Variants in ZNF544 observed in about 807,000 individuals in gnomAD.
The protein encoded by ZNF544 is zinc finger protein AF020591.
In ZNF544, 10 loss-of-function variants were observed where a neutral mutation model predicts 13.5. The observed-to-expected ratio is 0.74, with a 90% CI of 0.46 to 1.25. The LOEUF (loss-of-function observed/expected upper bound fraction) is 1.25. ZNF544 is among the 50% of genes most tolerant of loss of function. The pLI is 0.00. For synonymous variants in ZNF544, 323 were observed against 300.5 expected, an observed-to-expected ratio of 1.07 and a Z score of -0.77; for missense variants, 896 against 845.6, an observed-to-expected ratio of 1.06 and a Z score of -0.74.
chr19:58,254,864 CTTT>C (rs557178874), intron 6 of ZNF544, among the ~76,000 whole-genome samples: 5 of 139,012 alleles, frequency 3.6e-5, no homozygotes, highest in Admixed American at 7.3e-5. Flanking sequence ...TTCTTTCTTT[CTTT>C]TTTTTTTTTT....
intron 6 of ZNF544, chr19:58,257,688 T>TAG (rs777984498): frequency 5.3e-5 from 8 of 152,270 alleles, no homozygotes; most frequent in Non-Finnish European, 1.2e-4. Context: ...GAATCAGCCT[T>TAG]AGGCTCCCTG....
At chr19:58,267,438 T>C (rs925296290), downstream of ZNF544, among the ~76,000 whole-genome samples, 28 of 150,072 alleles carry the variant, frequency 1.9e-4, no homozygotes, top group African/African-American at 6.3e-4. Context: ...TGGTGGCTCA[T>C]GCCTGTAATC....
At chr19:58,236,916 T>G (rs2042528402) in intron 3 of ZNF544, among the ~76,000 whole-genome samples, 1 of 151,060 alleles carries the variant, frequency 6.6e-6, no homozygotes, top group Non-Finnish European at 1.5e-5. Flanking sequence ...TAATTTTTTG[T>G]ATTTTTAGTA....
chr19:58,243,536 C>A (rs572886223), intron 3 of ZNF544, among the ~76,000 whole-genome samples: 252 of 151,978 alleles, frequency 1.7e-3, no homozygotes, highest in Non-Finnish European at 2.1e-3. Flanking sequence ...TGTACAACAC[C>A]CCCTCCCAGA....
At chr19:58,264,633 G>C (rs914619741), downstream of ZNF544, among the ~76,000 whole-genome samples, 14 of 152,288 alleles carry the variant, frequency 9.2e-5, no homozygotes, top group East Asian at 2.7e-3. Flanking sequence ...AGAGGTTGCA[G>C]TTAGCTGAGA....
chr19:58,271,501 C>T (rs921317541), intron 5 of ZNF544, among the ~76,000 whole-genome samples: 9 of 152,002 alleles, frequency 5.9e-5, no homozygotes, highest in African/African-American at 2.2e-4. Flanking sequence ...ACTCAGGAAG[C>T]TGAGTTGGGA....
At chr19:58,277,278 T>G in exon 7 of ZNF544, 1 of 1,068,458 alleles carries the variant, frequency 9.4e-7, no homozygotes, top group Non-Finnish European at 1.1e-6. Context: ...CAGAAGGATC[T>G]GAGAGAGTGT....
At position 58,262,079 on chromosome 19, in the gene ZNF544, C is replaced by T. The variant is rs1260648632; in HGVS notation, c.1473C>T (p.Pro491=). The T allele has an allele frequency of 1.2e-6, 2 of 1,610,206 alleles. No homozygotes were observed. Among genetic ancestry groups the T allele is most frequent in the African/African-American group, 2.7e-5 (2 of 73,544 alleles). The part of the protein sequence containing the change: ...THKRTHTGEK[P]FKCTQCGKSF... The stretch of plus-strand genomic sequence containing the variant: ...AAAGAACGCACACTGGAGAAAAACC[C>T]TTCAAATGTACTCAGTGTGGGAAAT... The change falls in exon 7 of 7, where the codon CCC becomes CCT. Residue 491 remains proline (P), a synonymous_variant. Transcript: ENST00000687789.
chr19:58,239,545 C>G (rs2043126240), intron 3 of ZNF544, among the ~76,000 whole-genome samples: 2 of 152,156 alleles, frequency 1.3e-5, no homozygotes, highest in South Asian at 4.1e-4. Flanking sequence ...CAGATGGACT[C>G]AGAACTCTGA....
chr19:58,273,049 C>T (rs1403095972), intron 5 of ZNF544, among the ~76,000 whole-genome samples: 15 of 150,696 alleles, frequency 1.0e-4, no homozygotes, highest in South Asian at 6.3e-4. Context: ...GGTGTGGTGG[C>T]GCATGCCTGT....
intron 3 of ZNF544, among the ~76,000 whole-genome samples, chr19:58,231,473 T>A (rs1026989526): frequency 2.6e-5 from 4 of 151,958 alleles, no homozygotes; most frequent in African/African-American, 9.7e-5. Flanking sequence ...ACAGCCTGAG[T>A]GGTCAGTGGA....
At chr19:58,277,097 C>G in intron 6 of ZNF544, 1 of 1,012,116 alleles carries the variant, frequency 9.9e-7, no homozygotes, top group Non-Finnish European at 1.3e-6. Context: ...TTGGTCTGGT[C>G]TCATGAGGCC....
In ZNF544 at chr19:58,258,405, CCAGG is replaced by C. The variant is rs2048061257; in HGVS notation, c.245-2445_245-2442del. On this transcript the variant is annotated intron_variant, in intron 6 of 6. Transcript: ENST00000687789. ...TGTGAGGGCACTGGGTGTGAGGGCA[CCAGG>C]TGTGAGGGTGCTGGTTGCGAGGGCA... 4.8e-5 allele frequency: 3 copies of C among 62,774 alleles called. No individual in the cohort carries two copies. In the Admixed American group the frequency reaches 5.4e-4, roughly 11 times the overall value. The allele number at this position is 62,774 out of a possible 1,614,324, so 3.9% of individuals were successfully genotyped here. A position where few individuals can be genotyped will look rare whatever the true frequency, so the allele number is the denominator to read the frequency against.
chr19:58,232,701 G>T (rs1414332336), intron 3 of ZNF544, among the ~76,000 whole-genome samples: 1 of 150,366 alleles, frequency 6.7e-6, no homozygotes, highest in African/African-American at 2.4e-5. Context: ...AGGCCGAGGC[G>T]GCCGGATCAC....
downstream of ZNF544, among the ~76,000 whole-genome samples, chr19:58,264,859 C>T (rs2049649777): frequency 6.6e-6 from 1 of 151,884 alleles, no homozygotes; most frequent in South Asian, 2.1e-4. Flanking sequence ...ATAGAATTAG[C>T]TGGGCATGGA....
intron 5 of ZNF544, among the ~76,000 whole-genome samples, chr19:58,273,069 T>C (rs1312068124): frequency 6.7e-6 from 1 of 149,774 alleles, no homozygotes; most frequent in Non-Finnish European, 1.5e-5. Flanking sequence ...TAATCCCAGC[T>C]ACTTGGGAGG....
At chr19:58,249,490 C>T (rs1477281389) in intron 6 of ZNF544, among the ~76,000 whole-genome samples, 4 of 152,096 alleles carry the variant, frequency 2.6e-5, no homozygotes, top group Admixed American at 2.6e-4. Flanking sequence ...AAGAGTTTAA[C>T]AAACATGGTC....
chr19:58,272,627 C>T (rs1040144039), intron 5 of ZNF544, among the ~76,000 whole-genome samples: 3 of 151,700 alleles, frequency 2.0e-5, no homozygotes, highest in African/African-American at 4.8e-5. Context: ...TTTGATTTTC[C>T]AGAATTCTTA....
chr19:58,237,298 A>G (rs947195767), intron 3 of ZNF544, among the ~76,000 whole-genome samples: 1 of 152,012 alleles, frequency 6.6e-6, no homozygotes, highest in Admixed American at 6.5e-5. Context: ...TCCTCGGCTC[A>G]AGCAGTCCGC....
Sources: allele counts gnomAD v4.1 joint callset (sites outside exome capture counted in the v4.1 genomes callset), GRCh38; gene constraint gnomAD v4.1.1; transcripts MANE v1.5; gene names NCBI Gene and HGNC (gene_info 2026-07-23, HGNC 2026-07-21).